Variants in MMRN1 observed in about 807,000 individuals in gnomAD.
MMRN1 encodes multimerin 1.
In MMRN1, 94 loss-of-function variants were observed where a neutral mutation model predicts 100.7. The ratio of observed to expected loss-of-function variants is 0.93; its 90% CI spans 0.79 to 1.11. MMRN1 has a LOEUF of 1.11. MMRN1 is among the 50% of genes least tolerant of loss of function. MMRN1 has a pLI of 0.00. For synonymous variants in MMRN1, 575 were observed against 505.0 expected (o/e 1.14, Z -1.86); for missense variants, 1,606 against 1,439.1 (o/e 1.12, Z -1.88).
chr4:89,946,893 C>G (rs2110652809), intron 6 of MMRN1, among the ~76,000 whole-genome samples: 1 of 152,142 alleles, frequency 6.6e-6, no homozygotes. Flanking sequence ...AACTATTGAA[C>G]TAATTGCACT....
rs143230600 is a variant in MMRN1 at position 89,951,657 on chromosome 4, A to G, written c.3171A>G (p.Ile1057Met). 511 of 1,575,136 alleles carry G rather than the reference A, an allele frequency of 3.2e-4. No homozygotes were observed. The highest frequency in any genetic ancestry group is 3.9e-4 in the Non-Finnish European group (460 of 1,166,196). ...CGTGCCAAAATGGGGGCACGTGCAT[A>G]AATGGAAGAACTAGCTTTACCTGTG... ...RHPCQNGGTC[I>M]NGRTSFTCAC... Residue 1057 changes from isoleucine to methionine, a missense_variant, in exon 7 of 8, where the codon ATA becomes ATG. Physicochemically the swap from Ile to Met is conservative, Grantham distance 10. Transcript: ENST00000264790.
At chr4:89,938,763 T>C (rs773388437) in intron 6 of MMRN1, among the ~76,000 whole-genome samples, 14 of 151,956 alleles carry the variant, frequency 9.2e-5, no homozygotes, top group Non-Finnish European at 4.4e-5. Context: ...TAACATTGCT[T>C]CCTGTTCCTT....
intron 1 of MMRN1, among the ~76,000 whole-genome samples, chr4:89,884,115 T>C (rs945275300): frequency 6.6e-6 from 1 of 152,176 alleles, no homozygotes. Flanking sequence ...TTTTCCTTAT[T>C]GTAGATTACG....
intron 6 of MMRN1, among the ~76,000 whole-genome samples, chr4:89,940,564 A>C (rs1722791754): frequency 6.6e-6 from 1 of 152,130 alleles, no homozygotes; most frequent in African/African-American, 2.4e-5. Flanking sequence ...TGTGATGACT[A>C]ATGAGCCCTG....
chr4:89,905,651 C>T (rs1304981447), intron 1 of MMRN1, among the ~76,000 whole-genome samples: 1 of 151,412 alleles, frequency 6.6e-6, no homozygotes, highest in East Asian at 1.9e-4. Flanking sequence ...CTGTCTTGTC[C>T]TATTTTGTTT....
intron 1 of MMRN1, among the ~76,000 whole-genome samples, chr4:89,889,582 C>T (rs1383886240): frequency 5.9e-5 from 9 of 152,098 alleles, no homozygotes; most frequent in African/African-American, 1.2e-4. Flanking sequence ...TTACAAAGTC[C>T]GCCTTCTAGC....
chr4:89,949,377 AC>A (rs1315371138), intron 6 of MMRN1, among the ~76,000 whole-genome samples: 1 of 152,182 alleles, frequency 6.6e-6, no homozygotes, highest in East Asian at 1.9e-4. Context: ...TCCTAGTGAA[AC>A]CCATTAATTG....
intron 6 of MMRN1, among the ~76,000 whole-genome samples, chr4:89,940,608 G>T (rs1722793137): frequency 6.6e-6 from 1 of 152,036 alleles, no homozygotes; most frequent in Non-Finnish European, 1.5e-5. Context: ...TTCAAGTCCT[G>T]CCTGGCAATA....
intron 2 of MMRN1, among the ~76,000 whole-genome samples, chr4:89,911,222 C>T (rs1420907299): frequency 6.6e-6 from 1 of 151,418 alleles, no homozygotes; most frequent in Admixed American, 6.6e-5. Context: ...TTATGACTTA[C>T]ATTTACAAAC....
intron 3 of MMRN1, among the ~76,000 whole-genome samples, chr4:89,919,233 A>G (rs1204127439): frequency 1.3e-5 from 2 of 151,406 alleles, no homozygotes; most frequent in African/African-American, 4.8e-5. Context: ...TTATTATTTT[A>G]TGGGCACTTT....
chr4:89,889,216 T>C (rs1161250833), intron 1 of MMRN1, among the ~76,000 whole-genome samples: 2 of 152,082 alleles, frequency 1.3e-5, no homozygotes, highest in East Asian at 3.9e-4. Context: ...TTCAACTAAT[T>C]TTGAGATCTG....
intron 6 of MMRN1, among the ~76,000 whole-genome samples, chr4:89,937,328 G>A (rs999397790): frequency 3.3e-5 from 5 of 152,050 alleles, no homozygotes; most frequent in Non-Finnish European, 5.9e-5. Flanking sequence ...ATTGGTATCA[G>A]TGGATTGGTT....
chr4:89,945,155 T>C (rs1434577229), intron 6 of MMRN1, among the ~76,000 whole-genome samples: 1 of 152,180 alleles, frequency 6.6e-6, no homozygotes, highest in Admixed American at 6.6e-5. Flanking sequence ...ATGTAACATA[T>C]CTGAGATTCA....
At chr4:89,919,444 T>C (rs1422033332) in intron 3 of MMRN1, among the ~76,000 whole-genome samples, 2 of 151,752 alleles carry the variant, frequency 1.3e-5, no homozygotes, top group African/African-American at 4.8e-5. Context: ...AATAATTTTA[T>C]TTCTATATTA....
In MMRN1 at chr4:89,915,855, G is replaced by A. The variant is rs143080456; in HGVS notation, c.850+3805G>A. On this transcript the variant is annotated intron_variant, in intron 3 of 7. Transcript: ENST00000264790. ...ATGTCCTTCTGTCCCTGTACCTATC[G>A]CTTAGAAGGGAACAAGAAAAAGAAA... Among the ~76,000 whole-genome samples the A allele has an allele frequency of 1.7e-3, 252 of 151,664 alleles. 1 individual carries two copies. Among genetic ancestry groups the A allele is most frequent in the African/African-American group, 5.7e-3 (236 of 41,436 alleles).
intron 4 of MMRN1, among the ~76,000 whole-genome samples, chr4:89,924,527 T>TA (rs1722184308): frequency 6.6e-6 from 1 of 151,320 alleles, no homozygotes; most frequent in African/African-American, 2.4e-5. Context: ...TAAATATATA[T>TA]ATATTAATTT....
intron 1 of MMRN1, chr4:89,901,920 G>T (rs893428975): frequency 6.6e-6 from 1 of 151,680 alleles, no homozygotes; most frequent in Non-Finnish European, 1.5e-5. Flanking sequence ...TATTATTTGG[G>T]GGTAAATGCT....
At chr4:89,927,481 T>A (rs190689103) in intron 4 of MMRN1, among the ~76,000 whole-genome samples, 4 of 152,310 alleles carry the variant, frequency 2.6e-5, no homozygotes, top group African/African-American at 7.2e-5. Flanking sequence ...GCAATTTTAC[T>A]GAATTCATTT....
chr4:89,883,000 ATATAAC>A (rs1199238724), intron 1 of MMRN1, among the ~76,000 whole-genome samples: 3 of 152,026 alleles, frequency 2.0e-5, no homozygotes, highest in Admixed American at 6.6e-5. Context: ...CTTCATATAA[ATATAAC>A]TATAACATAA....
Sources: gnomAD v4.1 joint callset for allele counts (sites outside exome capture counted in the v4.1 genomes callset) on GRCh38, gnomAD v4.1.1 for gene constraint, MANE v1.5 for transcripts, NCBI Gene and HGNC (gene_info 2026-07-23, HGNC 2026-07-21) for gene names.